Variants in SGCZ observed in about 807,000 individuals in gnomAD.
SGCZ encodes zeta-sarcoglycan.
SGCZ carries 40 observed loss-of-function variants against 41.3 expected under a neutral mutation model. The ratio of observed to expected loss-of-function variants is 0.97; its 90% confidence interval spans 0.75 to 1.26. SGCZ has a LOEUF of 1.26. Among genes scored for constraint, SGCZ ranks in the 50% most tolerant of loss-of-function variants. The pLI, the probability that SGCZ is intolerant of heterozygous loss-of-function variation, is 0.00. For synonymous variants in SGCZ, 206 were observed against 137.5 expected (o/e 1.50, Z -3.49); for missense variants, 552 against 369.8 (o/e 1.49, Z -4.04).
chr8:15,171,499 C>A, intron 1 of SGCZ, among the ~76,000 whole-genome samples: 1 of 152,206 alleles, frequency 6.6e-6, no homozygotes, highest in East Asian at 1.9e-4. Flanking sequence ...TTCAGAGTCC[C>A]TGTGCTCTGA....
chr8:14,108,218 A>T lies in SGCZ; in HGVS notation c.565T>A (p.Phe189Ile). The T allele has an allele frequency of 6.2e-7, 1 of 1,614,120 alleles. No individual in the cohort carries two copies. The highest frequency in any genetic ancestry group is 8.5e-7 in the Non-Finnish European group (1 of 1,180,006). The change falls in exon 6 of 8, where the codon TTT (phenylalanine) becomes ATT (isoleucine). Residue 189 changes from phenylalanine (F) to isoleucine (I), a missense_variant. Coordinates refer to ENST00000382080, the MANE Select transcript of SGCZ (RefSeq NM_139167.4). ...TGCGGCGTCTCCACAGAGTGCCCAA[A>T]TACGGCTCCTTCAGTGCCTGGGGGT... ...LKVTGTEGAVFGHSVETPHIR... is the reference protein window; with the variant it reads ...LKVTGTEGAVIGHSVETPHIR...
intron 1 of SGCZ, among the ~76,000 whole-genome samples, chr8:15,214,650 G>A (rs900863103): frequency 6.6e-6 from 1 of 152,056 alleles, no homozygotes; most frequent in Admixed American, 6.6e-5. Context: ...CCTGAATCGT[G>A]GGGAGCTCAC....
chr8:15,223,605 C>A (rs1208132823), intron 1 of SGCZ, among the ~76,000 whole-genome samples: 5 of 152,046 alleles, frequency 3.3e-5, no homozygotes, highest in African/African-American at 1.2e-4. Context: ...GGTCAGACAC[C>A]AAATATTGCC....
chr8:14,741,764 G>T (rs1431982628), intron 1 of SGCZ, among the ~76,000 whole-genome samples: 1 of 151,998 alleles, frequency 6.6e-6, no homozygotes, highest in Non-Finnish European at 1.5e-5. Flanking sequence ...TGAACACCAT[G>T]AATCATTAAA....
intron 1 of SGCZ, among the ~76,000 whole-genome samples, chr8:15,208,902 T>TATATAG (rs1411869670): frequency 0.14 from 20,251 of 149,826 alleles, 1,579 homozygotes; most frequent in Middle Eastern, 0.19. Flanking sequence ...TACATATATA[T>TATATAG]AGAGAGAGAG....
intron 1 of SGCZ, among the ~76,000 whole-genome samples, chr8:14,994,597 A>G (rs73203324): frequency 0.078 from 11,765 of 151,722 alleles, 632 homozygotes; most frequent in Non-Finnish European, 0.12. Flanking sequence ...AAAAAAAAAA[A>G]AAGAAGAAGA....
At chr8:14,525,240 G>C (rs879507162) in intron 2 of SGCZ, among the ~76,000 whole-genome samples, 3 of 152,010 alleles carry the variant, frequency 2.0e-5, no homozygotes, top group Non-Finnish European at 4.4e-5. Context: ...GACAAAAATA[G>C]GTTCATCTTT....
intron 2 of SGCZ, among the ~76,000 whole-genome samples, chr8:14,528,070 A>G (rs1055145494): frequency 5.3e-5 from 8 of 152,086 alleles, no homozygotes; most frequent in African/African-American, 1.9e-4. Flanking sequence ...TCTTAGTCTC[A>G]GCAAACTAGA....
chr8:14,353,023 T>C (rs1284016208), intron 2 of SGCZ, among the ~76,000 whole-genome samples: 13 of 152,014 alleles, frequency 8.6e-5, no homozygotes, highest in Non-Finnish European at 1.9e-4. Flanking sequence ...TTCTGGGCGT[T>C]CTTACCTCTA....
At chr8:14,403,198 A>T (rs1799125191) in intron 2 of SGCZ, among the ~76,000 whole-genome samples, 1 of 149,990 alleles carries the variant, frequency 6.7e-6, no homozygotes, top group African/African-American at 2.5e-5. Flanking sequence ...GGCTGAGACG[A>T]TGGGGTTTTC....
At chr8:14,400,294 T>A (rs1452425475) in intron 2 of SGCZ, among the ~76,000 whole-genome samples, 1 of 152,188 alleles carries the variant, frequency 6.6e-6, no homozygotes, top group African/African-American at 2.4e-5. Flanking sequence ...ACTTTCTGGC[T>A]ATTAAGAATA....
At chr8:14,280,504 T>A (rs188682035) in intron 3 of SGCZ, among the ~76,000 whole-genome samples, 1 of 152,006 alleles carries the variant, frequency 6.6e-6, no homozygotes, top group African/African-American at 2.4e-5. Context: ...TAATCTTATA[T>A]CCATATGAAA....
intron 3 of SGCZ, among the ~76,000 whole-genome samples, chr8:14,273,807 A>T (rs983370567): frequency 4.6e-5 from 7 of 152,170 alleles, no homozygotes. Flanking sequence ...CTCTCGAGAG[A>T]TGCACAACAA....
At chr8:15,180,002 GACTATTATAT>G (rs1455147255) in intron 1 of SGCZ, among the ~76,000 whole-genome samples, 3 of 152,082 alleles carry the variant, frequency 2.0e-5, no homozygotes, top group African/African-American at 7.2e-5. Flanking sequence ...TTAGTAGGCT[GACTATTATAT>G]GCACATTTTT....
intron 1 of SGCZ, among the ~76,000 whole-genome samples, chr8:15,093,592 A>G (rs560042761): frequency 8.7e-4 from 133 of 152,256 alleles, no homozygotes; most frequent in African/African-American, 3.1e-3. Context: ...GTGGTATCGA[A>G]TTTTCCTATT....
intron 5 of SGCZ, among the ~76,000 whole-genome samples, chr8:14,139,761 G>A (rs768684902): frequency 6.6e-6 from 1 of 152,144 alleles, no homozygotes; most frequent in Non-Finnish European, 1.5e-5. Flanking sequence ...GAGGTACAAA[G>A]AGAAGCTGGT....
intron 2 of SGCZ, among the ~76,000 whole-genome samples, chr8:14,402,606 T>C (rs13259654): frequency 0.24 from 32,937 of 136,416 alleles, 5,334 homozygotes; most frequent in Non-Finnish European, 0.3. Flanking sequence ...TGTAGATATG[T>C]GGCGTTATTT....
chr8:14,328,236 A>G (rs1269187551), intron 2 of SGCZ, among the ~76,000 whole-genome samples: 1 of 152,192 alleles, frequency 6.6e-6, no homozygotes, highest in Non-Finnish European at 1.5e-5. Context: ...TCCTTCTGCA[A>G]GAGCATTATA....
intron 1 of SGCZ, among the ~76,000 whole-genome samples, chr8:14,861,297 C>T (rs1163615656): frequency 6.6e-6 from 1 of 152,050 alleles, no homozygotes; most frequent in Non-Finnish European, 1.5e-5. Context: ...GGAAAGAGTC[C>T]CTTCTTATTT....
Sources: gnomAD v4.1 joint callset for allele counts (sites outside exome capture counted in the v4.1 genomes callset) on GRCh38, gnomAD v4.1.1 for gene constraint, MANE v1.5 for transcripts, NCBI Gene and HGNC (gene_info 2026-07-23, HGNC 2026-07-21) for gene names.